CLTCL1: variants seen among roughly 807,000 people sequenced by gnomAD.
The protein encoded by CLTCL1 is clathrin heavy chain 2.
CLTCL1 carries 159 observed loss-of-function variants against 190.0 expected under a neutral mutation model. That is an observed-to-expected ratio of 0.84 (90% confidence interval 0.74 to 0.95). The LOEUF (loss-of-function observed/expected upper bound fraction) is 0.95, where lower values mean the gene tolerates loss of function less well. Among genes scored for constraint, CLTCL1 ranks in the 40% least tolerant of loss-of-function variants. CLTCL1 has a pLI of 0.00. For synonymous variants in CLTCL1, 752 were observed against 769.6 expected, an observed-to-expected ratio of 0.98 and a Z score of 0.38; for missense variants, 1,878 against 2,033.4, an observed-to-expected ratio of 0.92 and a Z score of 1.47.
At chr22:19,214,131 T>C (rs782258713) in intron 19 of CLTCL1, among the ~76,000 whole-genome samples, 19 of 152,196 alleles carry the variant, frequency 1.2e-4, no homozygotes, top group Non-Finnish European at 2.6e-4. Flanking sequence ...TGAGTTCCTT[T>C]AGGGCTCATA....
rs782593360 is a variant in CLTCL1, at chr22:19,229,900, G to A, written c.1720C>T (p.Arg574Cys). Residue 574 changes from arginine (R) to cysteine (C), a missense_variant, in exon 11 of 33, where the codon CGC (arginine) becomes TGC (cysteine). Physicochemically the swap from Arg to Cys is radical, Grantham distance 180. Coordinates refer to ENST00000427926, the MANE Select transcript of CLTCL1 (RefSeq NM_007098.4). ...SFLLDALKNN[R>C]PAEGLLQTWL... ...GTCTGCAGGAGTCCCTCAGCTGGGC[G>A]ATTATTCTTCAAGGCATCCAATAAG... The A allele has an allele frequency of 3.2e-5, 52 of 1,611,592 alleles. 1 individual carries two copies. In the South Asian group the frequency reaches 4.1e-4, roughly 13 times the overall value.
At chr22:19,229,109 A>T (rs1555957564) in intron 11 of CLTCL1, among the ~76,000 whole-genome samples, 1 of 152,242 alleles carries the variant, frequency 6.6e-6, no homozygotes, top group Admixed American at 6.5e-5. Flanking sequence ...AAAGAATTAA[A>T]GCAGGGTCTC....
intron 1 of CLTCL1, among the ~76,000 whole-genome samples, chr22:19,276,716 C>T (rs1319994776): frequency 6.6e-6 from 1 of 152,202 alleles, no homozygotes; most frequent in Non-Finnish European, 1.5e-5. Context: ...GTTGCCCAGG[C>T]TGGAGTGCAG....
Position 19,232,559 on chromosome 22 carries a change from C to T in CLTCL1, c.1561G>A (p.Val521Ile), listed in dbSNP as rs782484067. 1.2e-5 allele frequency: 19 copies of T among 1,613,734 alleles called. No individual in the cohort carries two copies. Among genetic ancestry groups the T allele is most frequent in the Non-Finnish European group, 1.4e-5 (17 of 1,179,832 alleles). Reference sequence around the variant, plus strand: ...CCCTGTTCCGGACTGATCTTCATTACACCCCTCAGCAGAAAGATCCAGTCT... The same window carrying T: ...CCCTGTTCCGGACTGATCTTCATTATACCCCTCAGCAGAAAGATCCAGTCT... Reference protein sequence around the residue: ...TPDWIFLLRGVMKISPEQGLQ... With the variant: ...TPDWIFLLRGIMKISPEQGLQ... Residue 521 changes from valine (V) to isoleucine (I), a missense_variant, in exon 10 of 33, where the codon GTA (valine) becomes ATA (isoleucine). Coordinates refer to ENST00000427926, the MANE Select transcript of CLTCL1 (RefSeq NM_007098.4).
intron 27 of CLTCL1, among the ~76,000 whole-genome samples, chr22:19,189,218 T>C (rs1339930444): frequency 6.6e-6 from 1 of 152,204 alleles, no homozygotes; most frequent in African/African-American, 2.4e-5. Flanking sequence ...TTTCTTAAAA[T>C]AAGACATCAA....
intron 4 of CLTCL1, among the ~76,000 whole-genome samples, chr22:19,240,160 T>C (rs2086207502): frequency 6.6e-6 from 1 of 152,000 alleles, no homozygotes; most frequent in African/African-American, 2.4e-5. Context: ...TTCGCTATGT[T>C]GGCCAGGCTG....
chr22:19,277,681 G>A (rs898992571), intron 1 of CLTCL1, among the ~76,000 whole-genome samples: 1 of 152,156 alleles, frequency 6.6e-6, no homozygotes, highest in Non-Finnish European at 1.5e-5. Flanking sequence ...TTAAGCATAG[G>A]AAAAACCTAA....
chr22:19,180,989 T>A (rs2084117886), intron 30 of CLTCL1, 183 bp from the exon 31 acceptor site: 2 of 605,810 alleles, frequency 3.3e-6, no homozygotes, highest in African/African-American at 3.7e-5. Flanking sequence ...CAGCAAGGCA[T>A]GGAGAGGTGA....
chr22:19,202,151 C>T (rs1601500218), intron 22 of CLTCL1, among the ~76,000 whole-genome samples: 1 of 152,184 alleles, frequency 6.6e-6, no homozygotes, highest in African/African-American at 2.4e-5. Context: ...TGCACTTGCC[C>T]CAGCTGGTGG....
At chr22:19,265,823 C>T (rs552537699) in intron 2 of CLTCL1, among the ~76,000 whole-genome samples, 67 of 152,272 alleles carry the variant, frequency 4.4e-4, no homozygotes, top group Non-Finnish European at 7.9e-4. Flanking sequence ...AGCCTATATA[C>T]ACCTTGCCAG....
chr22:19,240,570 G>T (rs1271147898), intron 4 of CLTCL1, among the ~76,000 whole-genome samples: 1 of 152,180 alleles, frequency 6.6e-6, no homozygotes. Flanking sequence ...GAATAGAAAA[G>T]TCTTGCACTG....
chr22:19,250,687 G>A lies in CLTCL1; in HGVS notation c.519+3272C>T, dbSNP rs565617397. Among the ~76,000 whole-genome samples the A allele has an allele frequency of 7.9e-5, 12 of 151,888 alleles. No homozygotes were observed. The South Asian group carries it at 2.3e-3, about 29-fold the overall frequency. On this transcript the variant is annotated intron_variant, in intron 3 of 32. Transcript: ENST00000427926. The stretch of plus-strand genomic sequence containing the variant: ...TCCCACCTCAGCCTCCAGAGTAGCT[G>A]GAACTACAGGTGCATGCCATCATGC...
intron 5 of CLTCL1, 33 bp downstream of exon 5, chr22:19,239,242 C>G: frequency 6.6e-7 from 1 of 1,514,550 alleles, no homozygotes. Flanking sequence ...GATTTTAGGA[C>G]ATGAAGATGT....
At position 19,190,596 on chromosome 22, in the gene CLTCL1, C is replaced by CAAAAAAAAAAAAA. The variant is rs55780206; in HGVS notation, c.4323+695_4323+707dup. Reference sequence around the variant, plus strand: ...CCTGGGCAACAGAGCAAGACTGTCTCAAAAAAAAAAAAAAAAAAAAAAAGA... The same window carrying CAAAAAAAAAAAAA: ...CCTGGGCAACAGAGCAAGACTGTCTCAAAAAAAAAAAAAAAAAAAAAAAAAAAAAAAAAAAAGA... On this transcript the variant is annotated intron_variant, in intron 27 of 32. Coordinates refer to ENST00000427926, the MANE Select transcript of CLTCL1 (RefSeq NM_007098.4). 9.4e-3 allele frequency among the ~76,000 whole-genome samples: 686 copies of CAAAAAAAAAAAAA among 72,794 alleles called. 15 individuals are homozygous for CAAAAAAAAAAAAA. Among genetic ancestry groups the CAAAAAAAAAAAAA allele is most frequent in the Admixed American group, 0.01 (58 of 5,736 alleles). 47.8% of individuals were successfully genotyped at this position (72,794 alleles called of 152,430 possible).
Position 19,254,051 on chromosome 22 carries a change from C to T in CLTCL1, c.427G>A (p.Asp143Asn). Reference sequence around the variant, plus strand: ...CAGCCCACCAGACTGGTATGTCTATCAAACATCTTCATGGGCTGGGAGTCA... The same window carrying T: ...CAGCCCACCAGACTGGTATGTCTATTAAACATCTTCATGGGCTGGGAGTCA... Reference protein sequence around the residue: ...EGDSQPMKMFDRHTSLVGCQV... With the variant: ...EGDSQPMKMFNRHTSLVGCQV... The change falls in exon 3 of 33, where the codon GAT (aspartate) becomes AAT (asparagine). Residue 143 changes from aspartate to asparagine, a missense_variant. By Grantham distance (23) the Asp-to-Asn change is conservative. Transcript: ENST00000427926. The T allele has an allele frequency of 2.5e-6, 4 of 1,611,914 alleles. No homozygotes were observed. Among genetic ancestry groups the T allele is most frequent in the Non-Finnish European group, 3.4e-6 (4 of 1,178,886 alleles).
At chr22:19,184,284 A>G (rs2084238155) in intron 29 of CLTCL1, 4 of 349,274 alleles carry the variant, frequency 1.1e-5, no homozygotes, top group South Asian at 8.4e-5. Context: ...TCACTTGCCC[A>G]GGGCCACTCC....
At chr22:19,201,864 G>A (rs181382794) in intron 22 of CLTCL1, among the ~76,000 whole-genome samples, 118 of 152,166 alleles carry the variant, frequency 7.8e-4, no homozygotes, top group African/African-American at 2.7e-3. Context: ...CTTGTGTCAG[G>A]TATCACTCAC....
intron 2 of CLTCL1, among the ~76,000 whole-genome samples, chr22:19,262,781 AGCACTTTGG>A (rs1490049963): frequency 6.6e-6 from 1 of 152,140 alleles, no homozygotes; most frequent in Admixed American, 6.5e-5. Context: ...CTGTAATCCC[AGCACTTTGG>A]GAGGCTGAGG....
At chr22:19,237,741 T>A (rs1441110472) in intron 5 of CLTCL1, among the ~76,000 whole-genome samples, 1 of 152,152 alleles carries the variant, frequency 6.6e-6, no homozygotes, top group Non-Finnish European at 1.5e-5. Context: ...ATCTACAACA[T>A]AGCTAGAGGA....
Sources: gnomAD v4.1 joint callset for allele counts (sites outside exome capture counted in the v4.1 genomes callset) on GRCh38, gnomAD v4.1.1 for gene constraint, MANE v1.5 for transcripts, NCBI Gene and HGNC (gene_info 2026-07-23, HGNC 2026-07-21) for gene names.